TRPM3: variants seen among roughly 807,000 people sequenced by gnomAD.
TRPM3 encodes transient receptor potential cation channel subfamily M member 3.
A neutral mutation model predicts 181.2 loss-of-function variants in TRPM3; 77 were observed. The ratio of observed to expected loss-of-function variants is 0.42; its 90% confidence interval spans 0.35 to 0.51. The LOEUF (loss-of-function observed/expected upper bound fraction) is 0.51. Among genes scored for constraint, TRPM3 ranks in the 20% least tolerant of loss-of-function variants. The pLI, the probability that TRPM3 is intolerant of heterozygous loss-of-function variation, is 0.01. For synonymous variants in TRPM3, 745 were observed against 796.4 expected (o/e 0.94, Z 1.09); for missense variants, 1,759 against 2,196.7 (o/e 0.80, Z 3.98).
chr9:70,929,284 T>A (rs1269393540), intron 1 of TRPM3, among the ~76,000 whole-genome samples: 1 of 151,830 alleles, frequency 6.6e-6, no homozygotes, highest in East Asian at 1.9e-4. Context: ...TCACTGCAAC[T>A]TCTGTCTCCC....
intron 1 of TRPM3, among the ~76,000 whole-genome samples, chr9:71,164,563 G>A (rs1305974117): frequency 6.6e-6 from 1 of 152,206 alleles, no homozygotes; most frequent in African/African-American, 2.4e-5. Context: ...AGAGAAGAGT[G>A]TGAGGGAGAG....
chr9:70,866,470 A>G (rs2095651681), intron 1 of TRPM3, among the ~76,000 whole-genome samples: 1 of 152,028 alleles, frequency 6.6e-6, no homozygotes, highest in African/African-American at 2.4e-5. Flanking sequence ...TTTGATCCTC[A>G]GTTTTCCTCA....
chr9:70,842,351 T>G (rs928733561), intron 5 of TRPM3, among the ~76,000 whole-genome samples: 3 of 152,166 alleles, frequency 2.0e-5, no homozygotes, highest in Admixed American at 2.0e-4. Context: ...GTGAGCCCTA[T>G]GATGACATTT....
chr9:71,040,144 C>G (rs1274629057), intron 1 of TRPM3, among the ~76,000 whole-genome samples: 3 of 152,138 alleles, frequency 2.0e-5, no homozygotes, highest in Non-Finnish European at 4.4e-5. Context: ...AATCTGTTTT[C>G]AATCTTACAC....
At chr9:70,656,154 T>C (rs150702184) in intron 9 of TRPM3, among the ~76,000 whole-genome samples, 34 of 152,360 alleles carry the variant, frequency 2.2e-4, no homozygotes, top group African/African-American at 7.9e-4. Flanking sequence ...ATTGACAGCA[T>C]ACATTTTTGT....
intron 1 of TRPM3, among the ~76,000 whole-genome samples, chr9:70,911,046 A>C (rs991403295): frequency 6.6e-6 from 1 of 152,210 alleles, no homozygotes; most frequent in African/African-American, 2.4e-5. Flanking sequence ...TTTTGGCTCA[A>C]TGTGTTAGGA....
chr9:71,140,286 A>G (rs1057169763), intron 1 of TRPM3, among the ~76,000 whole-genome samples: 2 of 152,188 alleles, frequency 1.3e-5, no homozygotes, highest in Non-Finnish European at 2.9e-5. Context: ...AAAGACAAAA[A>G]AAGTTCACCT....
At chr9:71,178,960 C>T (rs1256874952) in intron 1 of TRPM3, among the ~76,000 whole-genome samples, 1 of 152,116 alleles carries the variant, frequency 6.6e-6, no homozygotes, top group African/African-American at 2.4e-5. Flanking sequence ...TACAAATTAA[C>T]TTTTAACTCA....
At chr9:71,435,547 T>G (rs1463935936) in intron 1 of TRPM3, among the ~76,000 whole-genome samples, 3 of 152,240 alleles carry the variant, frequency 2.0e-5, no homozygotes, top group Non-Finnish European at 4.4e-5. Context: ...TCTGTTCCTT[T>G]GTCTACCAGC....
intron 1 of TRPM3, among the ~76,000 whole-genome samples, chr9:71,313,110 C>A (rs759933189): frequency 1.3e-5 from 2 of 152,052 alleles, no homozygotes; most frequent in Non-Finnish European, 2.9e-5. Flanking sequence ...CCTCCTCTGG[C>A]GCAGGTGGTT....
At chr9:71,364,609 G>T (rs1367203011) in intron 1 of TRPM3, among the ~76,000 whole-genome samples, 1 of 152,142 alleles carries the variant, frequency 6.6e-6, no homozygotes, top group Admixed American at 6.5e-5. Context: ...AGCTAAACTG[G>T]GACAAGGAAG....
chr9:71,199,465 T>C (rs1214431703), intron 1 of TRPM3, among the ~76,000 whole-genome samples: 1 of 152,184 alleles, frequency 6.6e-6, no homozygotes, highest in African/African-American at 2.4e-5. Context: ...TTCCTCCTTG[T>C]ACCTCTGGTA....
intron 1 of TRPM3, among the ~76,000 whole-genome samples, chr9:71,161,943 T>G (rs2076290484): frequency 6.6e-6 from 1 of 152,088 alleles, no homozygotes; most frequent in South Asian, 2.1e-4. Flanking sequence ...AGCTCGTGCC[T>G]GTAATTCCAA....
intron 1 of TRPM3, among the ~76,000 whole-genome samples, chr9:71,231,411 T>C (rs1427352945): frequency 6.6e-6 from 1 of 152,150 alleles, no homozygotes; most frequent in Non-Finnish European, 1.5e-5. Context: ...AGAATACTGG[T>C]GGCTTCTTGA....
At chr9:71,183,946 A>T (rs990507445) in intron 1 of TRPM3, among the ~76,000 whole-genome samples, 1 of 152,246 alleles carries the variant, frequency 6.6e-6, no homozygotes, top group East Asian at 1.9e-4. Context: ...GGTATAAAAA[A>T]TTCAGAAGCA....
At chr9:71,071,694 T>C (rs2062786132) in intron 1 of TRPM3, among the ~76,000 whole-genome samples, 1 of 152,164 alleles carries the variant, frequency 6.6e-6, no homozygotes, top group Non-Finnish European at 1.5e-5. Context: ...AGAAAGAGAA[T>C]TGACTTTAGT....
chr9:70,831,913 G>A (rs1588979157), intron 5 of TRPM3, among the ~76,000 whole-genome samples: 1 of 136,980 alleles, frequency 7.3e-6, no homozygotes, highest in South Asian at 2.3e-4. Context: ...TCCAGGTTGT[G>A]CTTATTTCAT....
At chr9:70,701,822 G>A (rs916894265) in intron 8 of TRPM3, among the ~76,000 whole-genome samples, 1 of 152,138 alleles carries the variant, frequency 6.6e-6, no homozygotes, top group Non-Finnish European at 1.5e-5. Context: ...GAAAGCAACT[G>A]CAGTGTCCAC....
intron 1 of TRPM3, among the ~76,000 whole-genome samples, chr9:71,220,551 G>A (rs1199437834): frequency 6.6e-6 from 1 of 151,628 alleles, no homozygotes; most frequent in Non-Finnish European, 1.5e-5. Flanking sequence ...AGACATTCAG[G>A]ACCTTCATGG....
Sources: allele counts gnomAD v4.1 joint callset (sites outside exome capture counted in the v4.1 genomes callset), GRCh38; gene constraint gnomAD v4.1.1; transcripts MANE v1.5; gene names NCBI Gene and HGNC (gene_info 2026-07-23, HGNC 2026-07-21).